ZCCHC24: variants seen among roughly 807,000 people sequenced by gnomAD.
ZCCHC24 encodes the protein zinc finger CCHC domain-containing protein 24.
A neutral mutation model predicts 26.2 loss-of-function variants in ZCCHC24; 10 were observed. The observed-to-expected ratio is 0.38, with a 90% CI of 0.24 to 0.65. The LOEUF (loss-of-function observed/expected upper bound fraction) is 0.65, where lower values mean the gene tolerates loss of function less well. Ranked by LOEUF, ZCCHC24 falls within the 30% of genes least tolerant of loss-of-function variation. The pLI, the probability that ZCCHC24 is intolerant of heterozygous loss-of-function variation, is 0.54. For synonymous variants in ZCCHC24, 144 were observed against 147.1 expected (o/e 0.98, Z 0.15); for missense variants, 243 against 329.1 (o/e 0.74, Z 2.03).
intron 2 of ZCCHC24, among the ~76,000 whole-genome samples, chr10:79,428,990 A>T (rs1857088552): frequency 6.6e-6 from 1 of 152,218 alleles, no homozygotes; most frequent in Non-Finnish European, 1.5e-5. Context: ...AGTCATCAAA[A>T]ATCTACCCAC....
intron 3 of ZCCHC24, among the ~76,000 whole-genome samples, chr10:79,388,457 C>T (rs1856429860): frequency 6.6e-6 from 1 of 152,208 alleles, no homozygotes; most frequent in South Asian, 2.1e-4. Flanking sequence ...TTACTGCCTG[C>T]ACTGTAAGAA....
chr10:79,411,340 C>T lies in ZCCHC24; in HGVS notation c.448-16900G>A, dbSNP rs140811286. ...TGCTATAATTAAACACACACACACTCCCCTGCAGGTGAGCAAATAGGCTCA... is the reference window on the plus strand; with the variant it reads ...TGCTATAATTAAACACACACACACTTCCCTGCAGGTGAGCAAATAGGCTCA... On this transcript the variant is annotated intron_variant, in intron 2 of 3. Coordinates refer to ENST00000372336, the MANE Select transcript of ZCCHC24 (RefSeq NM_153367.4). Among the ~76,000 whole-genome samples, 761 of 152,314 alleles carry T rather than the reference C, an allele frequency of 5.0e-3. 3 individuals are homozygous for T. The highest frequency in any genetic ancestry group is 0.017 in the African/African-American group (720 of 41,576).
chr10:79,404,552 C>T (rs927471728), intron 2 of ZCCHC24, among the ~76,000 whole-genome samples: 4 of 152,118 alleles, frequency 2.6e-5, no homozygotes, highest in Non-Finnish European at 5.9e-5. Context: ...TCTGCAGCCA[C>T]CCTGCTGTTT....
rs1230452537 is a variant in ZCCHC24 at position 79,385,061 on chromosome 10, T to C, written c.*1284A>G. ...TCCATTTTAGAAAAGAGGGGTTCTG[T>C]GGCTTGTCTCAGGGTTCTCCATGTC... On this transcript the variant is annotated 3_prime_UTR_variant, in exon 4 of 4. Transcript: ENST00000372336. The surrounding 1 kb of genome is among the most constrained non-coding windows in gnomAD (Gnocchi z 4.3). 1 of 151,926 alleles carries C rather than the reference T, an allele frequency of 6.6e-6. No individual in the cohort carries two copies. Among genetic ancestry groups the C allele is most frequent in the Admixed American group, 6.6e-5 (1 of 15,260 alleles). The allele number at this position is 151,926 out of a possible 1,614,324, so 9.4% of individuals were successfully genotyped here. A position where few individuals can be genotyped will look rare whatever the true frequency, so the allele number is the denominator to read the frequency against.
rs576743444 is a variant in ZCCHC24, at chr10:79,415,516, C to T, written c.447+17042G>A. Among the ~76,000 whole-genome samples, 6 of 152,314 alleles carry T rather than the reference C, an allele frequency of 3.9e-5. No homozygotes were observed. The East Asian group carries it at 1.2e-3, about 29-fold the overall frequency. On this transcript the variant is annotated intron_variant, in intron 2 of 3. Coordinates refer to ENST00000372336, the MANE Select transcript of ZCCHC24 (RefSeq NM_153367.4). ...TTTCTAACCTGGAATATTCCAACTGCGGTTTCAACCTTTTGCCTTCCTGGG... is the reference window on the plus strand; with the variant it reads ...TTTCTAACCTGGAATATTCCAACTGTGGTTTCAACCTTTTGCCTTCCTGGG...
At chr10:79,401,814 G>C (rs1378259718) in intron 2 of ZCCHC24, among the ~76,000 whole-genome samples, 1 of 152,242 alleles carries the variant, frequency 6.6e-6, no homozygotes, top group Non-Finnish European at 1.5e-5. Flanking sequence ...GCTCTGGCTG[G>C]AGCCAAGAGG....
intron 2 of ZCCHC24, among the ~76,000 whole-genome samples, chr10:79,419,091 G>A (rs1324600254): frequency 6.6e-6 from 1 of 152,216 alleles, no homozygotes; most frequent in East Asian, 1.9e-4. Flanking sequence ...CTGCAGGGGT[G>A]GGTCAGGGAG....
At chr10:79,406,850 C>A (rs1741670684) in intron 2 of ZCCHC24, among the ~76,000 whole-genome samples, 1 of 152,210 alleles carries the variant, frequency 6.6e-6, no homozygotes, top group Non-Finnish European at 1.5e-5. Flanking sequence ...CTGTGGACAG[C>A]CCCACAGGAC....
chr10:79,382,380 G>A lies in ZCCHC24; in HGVS notation c.*3965C>T, dbSNP rs547021731. On this transcript the variant is annotated 3_prime_UTR_variant, in exon 4 of 4. Transcript: ENST00000372336. ...ATGAAGAGGCTATATTTCTATAGGC[G>A]AGCCGTATACAGATTCTCCAGGAAT... The A allele has an allele frequency of 2.0e-5, 3 of 152,882 alleles. No individual in the cohort carries two copies. The highest frequency in any genetic ancestry group is 1.9e-4 in the East Asian group (1 of 5,324). The allele number at this position is 152,882 out of a possible 1,614,324, so 9.5% of individuals were successfully genotyped here. A position where few individuals can be genotyped will look rare whatever the true frequency, so the allele number is the denominator to read the frequency against.
chr10:79,424,383 G>T lies in ZCCHC24; in HGVS notation c.447+8175C>A, dbSNP rs532999277. On this transcript the variant is annotated intron_variant, in intron 2 of 3. Transcript: ENST00000372336. ...TTTATGCACGTGTATTTGTATCCCAGTTGGCAGCTGATTTGCCCAGGCAGC... is the reference window on the plus strand; with the variant it reads ...TTTATGCACGTGTATTTGTATCCCATTTGGCAGCTGATTTGCCCAGGCAGC... Among the ~76,000 whole-genome samples the T allele has an allele frequency of 2.5e-4, 38 of 152,358 alleles. 1 individual carries two copies. Among genetic ancestry groups the T allele is most frequent in the South Asian group, 1.0e-3 (5 of 4,826 alleles).
intron 2 of ZCCHC24, among the ~76,000 whole-genome samples, chr10:79,422,297 C>T (rs962622135): frequency 2.0e-5 from 3 of 152,100 alleles, no homozygotes; most frequent in African/African-American, 7.2e-5. Flanking sequence ...CCCAGACCTG[C>T]AGTGAGGTCA....
intron 1 of ZCCHC24, among the ~76,000 whole-genome samples, chr10:79,440,005 G>A (rs1400222246): frequency 6.6e-6 from 1 of 152,140 alleles, no homozygotes. Flanking sequence ...AGCAAGTGCA[G>A]GGGCTTAGAG....
chr10:79,398,528 C>T (rs1430036581), intron 2 of ZCCHC24, among the ~76,000 whole-genome samples: 1 of 152,002 alleles, frequency 6.6e-6, no homozygotes, highest in African/African-American at 2.4e-5. Context: ...CTGAGGTCCA[C>T]AGGCATTAGT....
intron 2 of ZCCHC24, among the ~76,000 whole-genome samples, chr10:79,412,794 T>C (rs569173129): frequency 2.6e-5 from 4 of 152,340 alleles, no homozygotes; most frequent in Admixed American, 6.5e-5. Context: ...GACAAGTTTC[T>C]GAAATGCTCT....
At chr10:79,439,717 G>C (rs1313953761) in intron 1 of ZCCHC24, among the ~76,000 whole-genome samples, 1 of 151,728 alleles carries the variant, frequency 6.6e-6, no homozygotes, top group Non-Finnish European at 1.5e-5. Flanking sequence ...TCTTGAACCT[G>C]GGGGGAGGTG....
At chr10:79,393,648 T>C (rs1323271751) in intron 3 of ZCCHC24, among the ~76,000 whole-genome samples, 1 of 152,240 alleles carries the variant, frequency 6.6e-6, no homozygotes, top group Admixed American at 6.5e-5. Flanking sequence ...CAGGGCTCTG[T>C]GACTGCCCCA....
At chr10:79,411,520 G>A (rs1264119896) in intron 2 of ZCCHC24, among the ~76,000 whole-genome samples, 1 of 152,190 alleles carries the variant, frequency 6.6e-6, no homozygotes, top group African/African-American at 2.4e-5. Context: ...AACCCAGGAG[G>A]GAGAGGATGG....
chr10:79,435,538 C>T (rs1266361250), intron 1 of ZCCHC24, among the ~76,000 whole-genome samples: 5 of 152,240 alleles, frequency 3.3e-5, no homozygotes, highest in South Asian at 2.1e-4. Context: ...GCTTCCCCTC[C>T]TCATGGCCTT....
intron 2 of ZCCHC24, among the ~76,000 whole-genome samples, chr10:79,407,149 C>T (rs1371171271): frequency 6.6e-6 from 1 of 152,224 alleles, no homozygotes; most frequent in African/African-American, 2.4e-5. Context: ...AACCTGTGTG[C>T]ACACATGGCC....
Sources: allele counts gnomAD v4.1 joint callset (sites outside exome capture counted in the v4.1 genomes callset), GRCh38; gene constraint gnomAD v4.1.1; non-coding constraint Gnocchi (gnomAD v3.1); transcripts MANE v1.5; gene names NCBI Gene and HGNC (gene_info 2026-07-23, HGNC 2026-07-21).